PI4KA: variants seen among roughly 807,000 people sequenced by gnomAD.
The protein encoded by PI4KA is phosphatidylinositol 4-kinase alpha, also known as PI4-kinase alpha.
In PI4KA, 122 loss-of-function variants were observed where a neutral mutation model predicts 271.4. The ratio of observed to expected loss-of-function variants is 0.45; its 90% CI spans 0.39 to 0.52. The LOEUF is 0.52. Among genes scored for constraint, PI4KA ranks in the 20% least tolerant of loss-of-function variants. The probability of loss-of-function intolerance (pLI) is 0.00; values close to 1 mark genes in which losing one functional copy is unlikely to be tolerated. For synonymous variants in PI4KA, 1,041 were observed against 1,078.8 expected (o/e 0.96, Z 0.69); for missense variants, 1,969 against 2,769.1 (o/e 0.71, Z 6.48).
chr22:20,721,297 C>A lies in PI4KA; in HGVS notation c.5116+1G>T, dbSNP rs773697738. ...GGCCTGTGGGAGGACAAAATACTCA[C>A]GGTCTTTCTGGTGGCCCTCTTCATC... On this transcript the variant is annotated splice_donor_variant, in intron 43 of 54. Transcript: ENST00000255882. LOFTEE classifies it high-confidence loss of function. 6.2e-7 allele frequency: 1 copy of A among 1,613,912 alleles called. No homozygotes were observed. The highest frequency in any genetic ancestry group is 8.5e-7 in the Non-Finnish European group (1 of 1,179,948).
At chr22:20,764,111 C>T (rs1411925344) in intron 22 of PI4KA, among the ~76,000 whole-genome samples, 2 of 152,130 alleles carry the variant, frequency 1.3e-5, no homozygotes, top group African/African-American at 2.4e-5. Context: ...GTAATTTGAC[C>T]TTTTCTTGAC....
chr22:20,826,423 TACG>T (rs1300920169), intron 3 of PI4KA, among the ~76,000 whole-genome samples: 5 of 152,282 alleles, frequency 3.3e-5, no homozygotes, highest in African/African-American at 1.2e-4. Flanking sequence ...ACGGTACACA[TACG>T]ACATTTTCTT....
At chr22:20,759,624 T>C (rs911917143) in intron 23 of PI4KA, among the ~76,000 whole-genome samples, 1 of 151,780 alleles carries the variant, frequency 6.6e-6, no homozygotes, top group Admixed American at 6.6e-5. Flanking sequence ...GGAGTACAGT[T>C]GCGTGAACTC....
chr22:20,785,943 CATG>C (rs34033319), intron 19 of PI4KA: 505,334 of 1,610,624 alleles, frequency 0.31, 85,722 homozygotes, highest in Non-Finnish European at 0.35. Context: ...AAGGGAAAAT[CATG>C]ATTCTTTTGT....
At chr22:20,801,526 T>A (rs372974764) in intron 14 of PI4KA, among the ~76,000 whole-genome samples, 131 of 144,988 alleles carry the variant, frequency 9.0e-4, no homozygotes, top group African/African-American at 3.0e-3. Flanking sequence ...CAGAGGTTGC[T>A]GTGAGCTGAG....
chr22:20,806,777 CTG>C (rs1935677829), intron 10 of PI4KA, among the ~76,000 whole-genome samples: 1 of 151,950 alleles, frequency 6.6e-6, no homozygotes, highest in South Asian at 2.1e-4. Flanking sequence ...GTCACATAGG[CTG>C]GAGTGCAGTG....
intron 19 of PI4KA, chr22:20,779,877 G>A (rs750303441): frequency 2.5e-6 from 4 of 1,614,094 alleles, no homozygotes; most frequent in Non-Finnish European, 3.4e-6. Context: ...CTTTGTTAAT[G>A]CCAGCAGCAA....
rs565713325 is a variant in PI4KA, at chr22:20,746,644, G to A, written c.3363+939C>T. On this transcript the variant is annotated intron_variant, in intron 29 of 54. Transcript: ENST00000255882. ...TCTGTGGCCACCCAGTGGCAGAGAC[G>A]TCCAGGTCAGGGCACTGATACCTGG... Among the ~76,000 whole-genome samples the A allele has an allele frequency of 1.6e-4, 24 of 152,328 alleles. No homozygotes were observed. In the East Asian group the frequency reaches 2.5e-3, roughly 16 times the overall value.
intron 43 of PI4KA, among the ~76,000 whole-genome samples, chr22:20,719,778 G>T (rs1023985411): frequency 6.6e-6 from 1 of 152,108 alleles, no homozygotes; most frequent in African/African-American, 2.4e-5. Flanking sequence ...TGTAATCTCA[G>T]CACTTTGGGA....
chr22:20,780,262 T>C (rs1933664733), intron 19 of PI4KA: 5 of 1,606,868 alleles, frequency 3.1e-6, no homozygotes, highest in South Asian at 1.1e-5. Flanking sequence ...TGTATGTGGG[T>C]AGATTGAATG....
chr22:20,767,300 C>T (rs946400751), intron 19 of PI4KA, among the ~76,000 whole-genome samples: 6 of 152,012 alleles, frequency 3.9e-5, no homozygotes, highest in Admixed American at 6.6e-5. Flanking sequence ...AAACATTAGC[C>T]GGGCGTGGTG....
chr22:20,710,222 G>A, intron 52 of PI4KA: 1 of 599,850 alleles, frequency 1.7e-6, no homozygotes, highest in Non-Finnish European at 3.1e-6. Context: ...CAGGCTGAGT[G>A]TCCTGCCCTG....
chr22:20,852,620 G>A (rs918388095), intron 1 of PI4KA, among the ~76,000 whole-genome samples: 3 of 151,982 alleles, frequency 2.0e-5, no homozygotes, highest in Admixed American at 6.6e-5. Context: ...TTCTGGCACC[G>A]CGTATACCCT....
intron 25 of PI4KA, among the ~76,000 whole-genome samples, chr22:20,752,235 G>A (rs1601407551): frequency 6.6e-6 from 1 of 152,200 alleles, no homozygotes; most frequent in East Asian, 1.9e-4. Flanking sequence ...GCCCAGCTCA[G>A]ACACACGCCA....
intron 36 of PI4KA, 99 bp from the exon 37 acceptor site, chr22:20,730,110 C>A: frequency 7.4e-7 from 1 of 1,356,558 alleles, no homozygotes; most frequent in Non-Finnish European, 1.0e-6. Context: ...CAATTAGTGG[C>A]AGAGCAGGCA....
At chr22:20,747,542 T>C (rs766502569) in intron 29 of PI4KA, 41 bp downstream of exon 29, 4 of 1,602,460 alleles carry the variant, frequency 2.5e-6, no homozygotes, top group Non-Finnish European at 2.6e-6. Context: ...GTGGCTCCTA[T>C]GGTCTAAGGG....
At chr22:20,725,662 A>T in intron 42 of PI4KA, 1 of 363,102 alleles carries the variant, frequency 2.8e-6, no homozygotes, top group Non-Finnish European at 5.9e-6. Context: ...TTGGAGGCGG[A>T]GGTGGGCAGA....
In PI4KA at chr22:20,807,453, G is replaced by C. The variant is rs895869033; in HGVS notation, c.1077C>G (p.Asn359Lys). The change falls in exon 10 of 55, where the codon AAC becomes AAG. Residue 359 changes from asparagine (N) to lysine (K), a missense_variant. Around this residue, in one of 13 missense-constraint regions of PI4KA, gnomAD observed 540 missense variants for 555.5 expected, o/e 0.97. Coordinates refer to ENST00000255882, the MANE Select transcript of PI4KA (RefSeq NM_058004.4). The part of the protein sequence containing the change: ...DAIVASVMEA[N>K]PSADLYYTSF... Reference sequence around the variant, plus strand: ...AAGTGTAGTAGAGATCAGCACTGGGGTTGGCCTGCAGGGAAGGCAGACACA... The same window carrying C: ...AAGTGTAGTAGAGATCAGCACTGGGCTTGGCCTGCAGGGAAGGCAGACACA... 1.2e-6 allele frequency: 2 copies of C among 1,607,734 alleles called. No individual in the cohort carries two copies. The highest frequency in any genetic ancestry group is 2.7e-5 in the African/African-American group (2 of 74,812).
chr22:20,752,217 C>T lies in PI4KA; in HGVS notation c.2988-462G>A, dbSNP rs1316854738. On this transcript the variant is annotated intron_variant, in intron 25 of 54. Transcript: ENST00000255882. ...GCTGTGACCCACCAGTGGCCCACTG[C>T]TCAGGAAGCCCAGCTCAGACACACG... is the stretch of plus-strand genomic sequence containing the variant. 3.9e-5 allele frequency among the ~76,000 whole-genome samples: 6 copies of T among 152,242 alleles called. No individual in the cohort carries two copies. In the East Asian group the frequency reaches 1.2e-3, roughly 29 times the overall value.
Sources: allele counts gnomAD v4.1 joint callset (sites outside exome capture counted in the v4.1 genomes callset), GRCh38; gene constraint gnomAD v4.1.1; regional missense constraint gnomAD v4.1.1; transcripts MANE v1.5; gene names NCBI Gene and HGNC (gene_info 2026-07-23, HGNC 2026-07-21).